PRKG1: variants seen among roughly 807,000 people sequenced by gnomAD.
PRKG1 encodes the protein protein kinase cGMP-dependent 1.
A neutral mutation model predicts 88.1 loss-of-function variants in PRKG1; 35 were observed. That is an observed-to-expected ratio of 0.40 (90% CI 0.30 to 0.53). The LOEUF (loss-of-function observed/expected upper bound fraction) is 0.53, where lower values mean the gene tolerates loss of function less well. PRKG1 is among the 20% of genes least tolerant of loss of function. PRKG1 has a pLI of 0.59. For synonymous variants in PRKG1, 303 were observed against 292.5 expected, an observed-to-expected ratio of 1.04 and a Z score of -0.37; for missense variants, 540 against 839.8, an observed-to-expected ratio of 0.64 and a Z score of 4.41.
intron 3 of PRKG1, among the ~76,000 whole-genome samples, chr10:51,575,863 AGAGTT>A (rs1837872653): frequency 6.6e-6 from 1 of 151,978 alleles, no homozygotes; most frequent in South Asian, 2.1e-4. Flanking sequence ...TTGAAATTTT[AGAGTT>A]AAGTATGAAA....
intron 9 of PRKG1, among the ~76,000 whole-genome samples, chr10:52,170,312 T>A (rs190075224): frequency 1.7e-3 from 257 of 152,272 alleles, no homozygotes; most frequent in Non-Finnish European, 3.0e-3. Context: ...CCTAAATTGT[T>A]CACATATTCT....
At chr10:51,953,277 T>C (rs1332431872) in intron 5 of PRKG1, among the ~76,000 whole-genome samples, 1 of 152,128 alleles carries the variant, frequency 6.6e-6, no homozygotes, top group Non-Finnish European at 1.5e-5. Context: ...CCCCCCAAAA[T>C]CTCACACACA....
chr10:52,033,260 T>C (rs1353305292), intron 5 of PRKG1, among the ~76,000 whole-genome samples: 2 of 152,216 alleles, frequency 1.3e-5, no homozygotes, highest in African/African-American at 2.4e-5. Context: ...TGGTGACTAT[T>C]CAGTTAAAGC....
chr10:51,554,549 A>G (rs1349152382), intron 3 of PRKG1, among the ~76,000 whole-genome samples: 1 of 150,830 alleles, frequency 6.6e-6, no homozygotes, highest in Non-Finnish European at 1.5e-5. Flanking sequence ...TTTTCTCATG[A>G]TCATCTCTTC....
chr10:51,814,255 C>A (rs1006205327), intron 4 of PRKG1, among the ~76,000 whole-genome samples: 6 of 152,138 alleles, frequency 3.9e-5, no homozygotes, highest in African/African-American at 1.2e-4. Flanking sequence ...AATGAAGATG[C>A]CACTTTTTGG....
intron 8 of PRKG1, among the ~76,000 whole-genome samples, chr10:52,144,098 G>A (rs895692718): frequency 6.6e-6 from 1 of 152,166 alleles, no homozygotes; most frequent in African/African-American, 2.4e-5. Flanking sequence ...TTAAGTTTGA[G>A]TAGGTATATT....
At chr10:51,350,749 T>A (rs935079779) in intron 2 of PRKG1, among the ~76,000 whole-genome samples, 1 of 152,178 alleles carries the variant, frequency 6.6e-6, no homozygotes, top group Non-Finnish European at 1.5e-5. Context: ...GAAATCAACA[T>A]ACAAAAATCA....
chr10:51,305,959 C>T (rs1332528234), intron 2 of PRKG1, among the ~76,000 whole-genome samples: 1 of 152,176 alleles, frequency 6.6e-6, no homozygotes, highest in African/African-American at 2.4e-5. Context: ...CAGGTCATCA[C>T]TTCTTGGAGG....
chr10:51,821,952 A>G (rs2132729475), intron 4 of PRKG1, among the ~76,000 whole-genome samples: 1 of 152,242 alleles, frequency 6.6e-6, no homozygotes, highest in South Asian at 2.1e-4. Context: ...CCATTTCTGA[A>G]TACATAGCCA....
intron 5 of PRKG1, among the ~76,000 whole-genome samples, chr10:52,001,495 T>A (rs546103459): frequency 6.6e-6 from 1 of 151,964 alleles, no homozygotes; most frequent in East Asian, 1.9e-4. Flanking sequence ...TTTTTGTCAG[T>A]CATACCTCAG....
intron 9 of PRKG1, among the ~76,000 whole-genome samples, chr10:52,194,555 G>C (rs1207584180): frequency 3.3e-5 from 5 of 152,126 alleles, no homozygotes; most frequent in Admixed American, 3.3e-4. Context: ...ACCATGTAAG[G>C]TAAAACACAG....
chr10:51,926,843 A>G (rs1842590198), intron 5 of PRKG1, among the ~76,000 whole-genome samples: 1 of 127,492 alleles, frequency 7.8e-6, no homozygotes, highest in Non-Finnish European at 1.6e-5. Context: ...ACGATCAGCA[A>G]TTCTGCCATA....
chr10:51,066,448 G>A (rs893068821), intron 1 of PRKG1, among the ~76,000 whole-genome samples: 5 of 152,138 alleles, frequency 3.3e-5, no homozygotes, highest in Admixed American at 2.0e-4. Context: ...TGACAGTACT[G>A]TTTGTGGGAC....
At chr10:52,036,549 A>G (rs1195536424) in intron 5 of PRKG1, among the ~76,000 whole-genome samples, 3 of 152,054 alleles carry the variant, frequency 2.0e-5, no homozygotes, top group East Asian at 1.9e-4. Context: ...GGTTTTAATG[A>G]GATGGTAACG....
At chr10:51,363,948 T>C (rs1189889086) in intron 2 of PRKG1, among the ~76,000 whole-genome samples, 14 of 151,918 alleles carry the variant, frequency 9.2e-5, no homozygotes, top group Non-Finnish European at 2.1e-4. Flanking sequence ...TCTGTACAAA[T>C]GGAAATTTGA....
chr10:51,766,741 C>A (rs1051425650), intron 3 of PRKG1, among the ~76,000 whole-genome samples: 1 of 152,092 alleles, frequency 6.6e-6, no homozygotes, highest in Non-Finnish European at 1.5e-5. Flanking sequence ...TAGCAAAGAT[C>A]GCATCTCCAA....
chr10:52,189,210 G>T (rs554405874), intron 9 of PRKG1, among the ~76,000 whole-genome samples: 1 of 152,294 alleles, frequency 6.6e-6, no homozygotes, highest in Admixed American at 6.5e-5. Flanking sequence ...TATCGATTCT[G>T]TTACTTGTAG....
chr10:51,485,063 G>T (rs1337117461), intron 3 of PRKG1, among the ~76,000 whole-genome samples: 1 of 152,130 alleles, frequency 6.6e-6, no homozygotes, highest in Non-Finnish European at 1.5e-5. Context: ...AGGGCCAGAA[G>T]TTTTTTTCAA....
intron 5 of PRKG1, among the ~76,000 whole-genome samples, chr10:52,016,725 A>G (rs1845049404): frequency 6.6e-6 from 1 of 152,236 alleles, no homozygotes; most frequent in Non-Finnish European, 1.5e-5. Flanking sequence ...CAACAGTGAA[A>G]AAAAGAGAGT....
Sources: gnomAD v4.1 joint callset for allele counts (sites outside exome capture counted in the v4.1 genomes callset) on GRCh38, gnomAD v4.1.1 for gene constraint, MANE v1.5 for transcripts, NCBI Gene and HGNC (gene_info 2026-07-23, HGNC 2026-07-21) for gene names.